SLC2A2: variants seen among roughly 807,000 people sequenced by gnomAD.
SLC2A2 encodes solute carrier family 2 member 2.
SLC2A2 carries 36 observed loss-of-function variants against 54.5 expected under a neutral mutation model. The observed-to-expected ratio is 0.66, with a 90% CI of 0.51 to 0.87. The LOEUF (loss-of-function observed/expected upper bound fraction) is 0.87, where lower values mean the gene tolerates loss of function less well. Among genes scored for constraint, SLC2A2 ranks in the 40% least tolerant of loss-of-function variants. The pLI is 0.00. For missense variants in SLC2A2, 543 were observed against 624.3 expected (o/e 0.87, Z 1.39); for synonymous variants, 223 against 219.1 (o/e 1.02, Z -0.16).
At chr3:171,006,362 GT>G (rs1715604207) in intron 5 of SLC2A2, among the ~76,000 whole-genome samples, 1 of 151,760 alleles carries the variant, frequency 6.6e-6, no homozygotes, top group South Asian at 2.1e-4. Flanking sequence ...ATTACCCTAG[GT>G]TTCATTAACT....
intron 2 of SLC2A2, among the ~76,000 whole-genome samples, chr3:171,017,857 G>A (rs1716223867): frequency 2.0e-5 from 3 of 152,202 alleles, no homozygotes; most frequent in Admixed American, 2.0e-4. Flanking sequence ...AAAAATGGTT[G>A]AAATAACTTG....
intron 5 of SLC2A2, among the ~76,000 whole-genome samples, chr3:171,006,328 T>C (rs1194295698): frequency 6.7e-6 from 1 of 150,096 alleles, no homozygotes; most frequent in East Asian, 2.0e-4. Context: ...TTAACTAAAT[T>C]AGGAACTATT....
At chr3:171,018,675 C>T in intron 1 of SLC2A2, 52 bp from the exon 2 acceptor site, 8 of 1,243,076 alleles carry the variant, frequency 6.4e-6, no homozygotes, top group Non-Finnish European at 9.5e-6. Flanking sequence ...TTTAGTTTCC[C>T]ATCTTTCTGT....
chr3:171,004,065 C>T (rs12633688), intron 7 of SLC2A2, among the ~76,000 whole-genome samples: 1,632 of 152,120 alleles, frequency 0.011, 25 homozygotes, highest in African/African-American at 0.029. Context: ...CCCCACCTAA[C>T]GTGTCCTATT....
chr3:171,004,448 G>A (rs1234100809), intron 7 of SLC2A2, among the ~76,000 whole-genome samples: 1 of 151,906 alleles, frequency 6.6e-6, no homozygotes, highest in Non-Finnish European at 1.5e-5. Flanking sequence ...TGTTTCAATG[G>A]ATGGGAATTA....
chr3:171,006,098 C>G lies in SLC2A2; in HGVS notation c.620G>C (p.Gly207Ala). 3 of 1,611,962 alleles carry G rather than the reference C, an allele frequency of 1.9e-6. No individual in the cohort carries two copies. Among genetic ancestry groups the G allele is most frequent in the Non-Finnish European group, 2.5e-6 (3 of 1,178,680 alleles). ...ATAATTGCCCAAGATAAATTCAAGA[C>G]CAATAATCTGAAAATGCAAGGAGGA... is the stretch of plus-strand genomic sequence containing the variant. Reference protein sequence around the residue: ...VTGILISQIIGLEFILGNYDL... With the variant: ...VTGILISQIIALEFILGNYDL... The change falls in exon 6 of 11, where the codon GGT becomes GCT. Residue 207 changes from glycine to alanine, a missense_variant. Gly to Ala is a moderately conservative substitution (Grantham distance 60, BLOSUM62 0). Coordinates refer to ENST00000314251, the MANE Select transcript of SLC2A2 (RefSeq NM_000340.2).
chr3:170,997,803 A>G lies in SLC2A2; in HGVS notation c.*100T>C. On this transcript the variant is annotated 3_prime_UTR_variant, in exon 11 of 11. Coordinates refer to ENST00000314251, the MANE Select transcript of SLC2A2 (RefSeq NM_000340.2). ...GATGAGAGCACATAAAAATAAAACA[A>G]TACTTAAAGATGTGGATATAAAATG... 3 of 949,346 alleles carry G rather than the reference A, an allele frequency of 3.2e-6. No individual in the cohort carries two copies. The highest frequency in any genetic ancestry group is 1.4e-5 in the South Asian group (1 of 70,708). 58.8% of individuals were successfully genotyped at this position (949,346 alleles called of 1,614,324 possible).
At position 171,006,097 on chromosome 3, in the gene SLC2A2, A is replaced by T. The variant is rs1484981393; in HGVS notation, c.621T>A (p.Gly207=). 3.1e-6 allele frequency: 5 copies of T among 1,612,116 alleles called. No homozygotes were observed. In the South Asian group the frequency reaches 4.4e-5, roughly 14 times the overall value. ...CATAATTGCCCAAGATAAATTCAAG[A>T]CCAATAATCTGAAAATGCAAGGAGG... ...VTGILISQII[G]LEFILGNYDL... Residue 207 remains glycine (G), a synonymous_variant, in exon 6 of 11, where the codon GGT becomes GGA. Transcript: ENST00000314251.
intron 2 of SLC2A2, among the ~76,000 whole-genome samples, chr3:171,017,592 G>C (rs1462526518): frequency 1.3e-5 from 2 of 152,128 alleles, no homozygotes; most frequent in Non-Finnish European, 2.9e-5. Context: ...CTCTTCCCCA[G>C]GTTCCTCTTC....
chr3:171,000,795 T>G (rs1408548991), intron 8 of SLC2A2, among the ~76,000 whole-genome samples: 1 of 152,126 alleles, frequency 6.6e-6, no homozygotes, highest in African/African-American at 2.4e-5. Flanking sequence ...ATATATTCAG[T>G]GCATATTTCT....
At position 171,022,043 on chromosome 3, in the gene SLC2A2, TA is replaced by T. The variant is rs564769384; in HGVS notation, c.16-3421del. Among the ~76,000 whole-genome samples, 336 of 152,314 alleles carry T rather than the reference TA, an allele frequency of 2.2e-3. 2 individuals carry two copies. Among genetic ancestry groups the T allele is most frequent in the African/African-American group, 7.6e-3 (316 of 41,570 alleles). Reference sequence around the variant, plus strand: ...CTCATCTGTAAAGTCTTTTGCCACATAAGGCAAGATATTCCCAGGTTCTGGC... The same window carrying T: ...CTCATCTGTAAAGTCTTTTGCCACATAGGCAAGATATTCCCAGGTTCTGGC... On this transcript the variant is annotated intron_variant, in intron 1 of 10. Coordinates refer to ENST00000314251, the MANE Select transcript of SLC2A2 (RefSeq NM_000340.2).
chr3:171,008,856 A>G (rs1283556099), intron 4 of SLC2A2, among the ~76,000 whole-genome samples: 1 of 152,058 alleles, frequency 6.6e-6, no homozygotes, highest in Non-Finnish European at 1.5e-5. Context: ...ATAAAGCTAC[A>G]CTGATCTTCA....
intron 3 of SLC2A2, among the ~76,000 whole-genome samples, chr3:171,011,891 C>G (rs1715898417): frequency 6.6e-6 from 1 of 152,118 alleles, no homozygotes; most frequent in South Asian, 2.1e-4. Flanking sequence ...AGTCCCCTTT[C>G]CCTACCACCA....
chr3:170,999,193 C>G lies in SLC2A2; in HGVS notation c.1069-27G>C, dbSNP rs1242079007. On this transcript the variant is annotated intron_variant, in intron 8 of 10. Transcript: ENST00000314251. ...TAGGACAATTTTAAAGAAATTATCT[C>G]AGTTTTGTGAGTCACAAAATATTGA... The G allele has an allele frequency of 4.1e-6, 6 of 1,451,948 alleles. No individual in the cohort carries two copies. In the African/African-American group the frequency reaches 8.4e-5, roughly 20 times the overall value. The allele number at this position is 1,451,948 out of a possible 1,614,324, so 89.9% of individuals were successfully genotyped here. A position where few individuals can be genotyped will look rare whatever the true frequency, so the allele number is the denominator to read the frequency against.
At chr3:171,003,068 C>T (rs542469877) in intron 7 of SLC2A2, among the ~76,000 whole-genome samples, 1 of 152,086 alleles carries the variant, frequency 6.6e-6, no homozygotes, top group Non-Finnish European at 1.5e-5. Context: ...TTCCACCCCT[C>T]CAGAAACTTC....
At position 171,016,559 on chromosome 3, in the gene SLC2A2, A is replaced by G. The variant is rs1475071575; in HGVS notation, c.109-1828T>C. ...TATTTTTTTTTCTAATACTGTCTTC[A>G]GTAGGCATGTGTAATTTTCATAACC... On this transcript the variant is annotated intron_variant, in intron 2 of 10. Transcript: ENST00000314251. 3.3e-5 allele frequency among the ~76,000 whole-genome samples: 5 copies of G among 152,318 alleles called. No individual in the cohort carries two copies. In the East Asian group the frequency reaches 9.6e-4, roughly 29 times the overall value.
chr3:171,008,990 A>G (rs1715747739), intron 4 of SLC2A2, among the ~76,000 whole-genome samples: 1 of 152,088 alleles, frequency 6.6e-6, no homozygotes, highest in Non-Finnish European at 1.5e-5. Context: ...TCTGTAGGTA[A>G]AAGTGTTAAA....
At chr3:170,998,451 C>G (rs1197486431) in intron 9 of SLC2A2, 55 bp from the exon 10 acceptor site, 2 of 1,457,660 alleles carry the variant, frequency 1.4e-6, no homozygotes, top group Middle Eastern at 1.7e-4. Context: ...CTGCTTTTTC[C>G]TTTAGCTAAG....
chr3:171,015,790 G>T (rs1478863251), intron 2 of SLC2A2, among the ~76,000 whole-genome samples: 2 of 152,148 alleles, frequency 1.3e-5, no homozygotes, highest in Non-Finnish European at 2.9e-5. Flanking sequence ...CCTTGAGAAG[G>T]TATTGAGACC....
Sources: gnomAD v4.1 joint callset for allele counts (sites outside exome capture counted in the v4.1 genomes callset) on GRCh38, gnomAD v4.1.1 for gene constraint, MANE v1.5 for transcripts, NCBI Gene and HGNC (gene_info 2026-07-23, HGNC 2026-07-21) for gene names.